The following TUBGCP3 variants were observed in gnomAD, a reference collection of about 807,000 sequenced individuals.
TUBGCP3 encodes gamma-tubulin complex component 3.
A neutral mutation model predicts 123.1 loss-of-function variants in TUBGCP3; 50 were observed. The observed-to-expected ratio is 0.41, with a 90% CI of 0.32 to 0.51. The LOEUF (loss-of-function observed/expected upper bound fraction) is 0.51. TUBGCP3 is among the 20% of genes least tolerant of loss of function. The probability of loss-of-function intolerance (pLI) is 0.36; values close to 1 mark genes in which losing one functional copy is unlikely to be tolerated. For missense variants in TUBGCP3, 882 were observed against 1,127.0 expected (o/e 0.78, Z 3.11); for synonymous variants, 405 against 413.9 (o/e 0.98, Z 0.26).
At chr13:112,594,506 A>G in the TUBGCP3 span, among the ~76,000 whole-genome samples, 3 of 152,206 alleles carry the variant, frequency 2.0e-5, no homozygotes, top group Non-Finnish European at 4.4e-5. Context: ...ACCTGCAGCT[A>G]TCTAAGTTTC....
At chr13:112,517,735 A>C (rs1024940093) in intron 16 of TUBGCP3, among the ~76,000 whole-genome samples, 2 of 152,134 alleles carry the variant, frequency 1.3e-5, no homozygotes, top group Non-Finnish European at 2.9e-5. Flanking sequence ...TACTAAAAAT[A>C]CAAAAATTAG....
At chr13:112,547,282 C>T (rs764172701) in intron 10 of TUBGCP3, 4 of 399,176 alleles carry the variant, frequency 1.0e-5, no homozygotes, top group East Asian at 3.6e-5. Flanking sequence ...TCTTTAAACA[C>T]GAGACACCCT....
rs1594177291 is a variant in TUBGCP3, at chr13:112,547,116, C to G, written c.1168+504G>C. ...GAACCTAGAGCCAGAGAGGCCAAAG[C>G]AAGACATGCAAATATGGGAACATCT... On this transcript the variant is annotated intron_variant, in intron 10 of 21. Transcript: ENST00000261965. 3.5e-5 allele frequency: 9 copies of G among 259,358 alleles called. No individual in the cohort carries two copies. In the East Asian group the frequency reaches 6.0e-4, roughly 17 times the overall value. The allele number at this position is 259,358 out of a possible 1,614,324, so 16.1% of individuals were successfully genotyped here.
Position 112,524,119 on chromosome 13 carries a change from G to A in TUBGCP3, c.1556-1610C>T, listed in dbSNP as rs765281934. 6.6e-6 allele frequency among the ~76,000 whole-genome samples: 1 copy of A among 152,130 alleles called. No individual in the cohort carries two copies. Among genetic ancestry groups the A allele is most frequent in the African/African-American group, 2.4e-5 (1 of 41,414 alleles). ...ACCCCCACAGACACCAAAATTCCCT[G>A]ATGCTCAAGTCTCTTCTACAAAATG... On this transcript the variant is annotated intron_variant, in intron 13 of 21. Coordinates refer to ENST00000261965, the MANE Select transcript of TUBGCP3 (RefSeq NM_006322.6). The surrounding 1 kb of genome is among the most constrained non-coding windows in gnomAD (Gnocchi z 4.4).
At chr13:112,522,635 C>A in intron 13 of TUBGCP3, 126 bp from the exon 14 acceptor site, 2 of 826,324 alleles carry the variant, frequency 2.4e-6, no homozygotes, top group East Asian at 2.6e-5. Context: ...ACAGACTGAC[C>A]GCAGGCACAG....
intron 18 of TUBGCP3, among the ~76,000 whole-genome samples, chr13:112,504,412 C>A (rs920770325): frequency 2.0e-5 from 3 of 151,036 alleles, no homozygotes; most frequent in Non-Finnish European, 4.4e-5. Flanking sequence ...CGCTTGAACC[C>A]AGGAGGCAGA....
In TUBGCP3 at chr13:112,485,888, G is replaced by A; in HGVS notation, c.*105C>T. 1.1e-6 allele frequency: 1 copy of A among 929,458 alleles called. No homozygotes were observed. The highest frequency in any genetic ancestry group is 1.7e-5 in the South Asian group (1 of 58,376). The allele number at this position is 929,458 out of a possible 1,614,324, so 57.6% of individuals were successfully genotyped here. Reference sequence around the variant, plus strand: ...AAACATGGCGCACTCGTGGGCGGAAGGGCAGGACACCTGCAGCATGCAGTT... The same window carrying A: ...AAACATGGCGCACTCGTGGGCGGAAAGGCAGGACACCTGCAGCATGCAGTT... On this transcript the variant is annotated 3_prime_UTR_variant, in exon 22 of 22. Transcript: ENST00000261965.
chr13:112,538,893 G>A (rs1436116648), intron 11 of TUBGCP3, among the ~76,000 whole-genome samples: 1 of 152,106 alleles, frequency 6.6e-6, no homozygotes, highest in African/African-American at 2.4e-5. Context: ...ATTACATAGT[G>A]ATCAAACACA....
chr13:112,550,426 T>C (rs1879462590), intron 8 of TUBGCP3, among the ~76,000 whole-genome samples: 1 of 152,130 alleles, frequency 6.6e-6, no homozygotes, highest in South Asian at 2.1e-4. Context: ...TAAAACATAC[T>C]AATTTTGTAG....
In TUBGCP3 at chr13:112,489,600, A is replaced by G. The variant is rs751900414; in HGVS notation, c.2546T>C (p.Ile849Thr). The part of the protein sequence containing the change: ...SIPKMCSQLR[I>T]LTHFYQGIVQ... ...ACACACCTGGTAGAAATGGGTCAAT[A>G]TTCGCAACTGTGAGCACATTTTTGG... is the stretch of plus-strand genomic sequence containing the variant. Residue 849 changes from isoleucine to threonine, a missense_variant, in exon 21 of 22, where the codon ATA becomes ACA. Physicochemically the swap from Ile to Thr is moderately conservative, Grantham distance 89. Transcript: ENST00000261965. 2 of 1,614,020 alleles carry G rather than the reference A, an allele frequency of 1.2e-6. No individual in the cohort carries two copies. Among genetic ancestry groups the G allele is most frequent in the East Asian group, 4.5e-5 (2 of 44,886 alleles).
Position 112,565,172 on chromosome 13 carries a change from C to A in TUBGCP3, c.191G>T (p.Arg64Leu). Residue 64 changes from arginine to leucine, a missense_variant, in exon 3 of 22, where the codon CGA becomes CTA. Physicochemically the swap from Arg to Leu is moderately radical, Grantham distance 102. Around this residue, in one of 3 missense-constraint regions of TUBGCP3, gnomAD observed 713 missense variants for 874.0 expected, o/e 0.82. Transcript: ENST00000261965. ...VAEKIKKELI[R>L]QRREADAALF... ...TGCAGCATCTGCTTCTCTTCGTTGT[C>A]GAATAACTGAAAAGACAGAAAAAAA... The A allele has an allele frequency of 6.2e-7, 1 of 1,612,316 alleles. No homozygotes were observed. Among genetic ancestry groups the A allele is most frequent in the South Asian group, 1.1e-5 (1 of 90,934 alleles).
the TUBGCP3 span, among the ~76,000 whole-genome samples, chr13:112,599,714 A>C: frequency 2.7e-5 from 4 of 150,826 alleles, 1 homozygote; most frequent in Admixed American, 6.6e-5. Flanking sequence ...AGAGACGGGG[A>C]TTCGCTGTGT....
At chr13:112,520,680 G>A (rs1876546541) in intron 14 of TUBGCP3, among the ~76,000 whole-genome samples, 1 of 152,156 alleles carries the variant, frequency 6.6e-6, no homozygotes, top group Admixed American at 6.5e-5. Context: ...ATGGGAAGAG[G>A]AGAGGCCTCC....
At chr13:112,542,425 T>TTTGGTA (rs1368307942) in intron 11 of TUBGCP3, among the ~76,000 whole-genome samples, 1 of 152,228 alleles carries the variant, frequency 6.6e-6, no homozygotes, top group Non-Finnish European at 1.5e-5. Flanking sequence ...GCCCATTACC[T>TTTGGTA]ACATGTCCTT....
intron 1 of TUBGCP3, among the ~76,000 whole-genome samples, chr13:112,586,236 G>A (rs1236956118): frequency 2.0e-5 from 3 of 149,004 alleles, no homozygotes; most frequent in Admixed American, 1.3e-4. Flanking sequence ...GTGAGACTCT[G>A]TCTCAAAAAA....
chr13:112,563,286 A>T (rs1162731714), intron 3 of TUBGCP3, among the ~76,000 whole-genome samples: 4 of 152,138 alleles, frequency 2.6e-5, no homozygotes, highest in Non-Finnish European at 5.9e-5. Context: ...ACAAGATAAA[A>T]AATTAGGATC....
rs1382399110 is a variant in TUBGCP3, at chr13:112,545,664, A to G, written c.1335+35T>C. The G allele has an allele frequency of 6.3e-7, 1 of 1,598,680 alleles. No homozygotes were observed. The highest frequency in any genetic ancestry group is 1.7e-5 in the Admixed American group (1 of 59,816). ...GCATAACTGCGTGCCCATGCTTTTT[A>G]AATCCAAGTCTCAGAACCGAACACC... On this transcript the variant is annotated intron_variant, in intron 11 of 21. Coordinates refer to ENST00000261965, the MANE Select transcript of TUBGCP3 (RefSeq NM_006322.6). This position sits in a 1 kb window ranked among gnomAD's most constrained non-coding sequence, Gnocchi z 4.1.
At position 112,522,204 on chromosome 13, in the gene TUBGCP3, A is replaced by AG. The variant is rs1356178314; in HGVS notation, c.1745+115dup. 4.0e-6 allele frequency: 4 copies of AG among 994,722 alleles called. No homozygotes were observed. The Admixed American group carries it at 9.8e-5, about 24-fold the overall frequency. 61.6% of individuals were successfully genotyped at this position (994,722 alleles called of 1,614,324 possible). On this transcript the variant is annotated intron_variant, in intron 14 of 21. Transcript: ENST00000261965. ...ATTCTTTTCAGATTTTATTTTAAAA[A>AG]GTATGCTCGAAGAATTCAACTCATT...
intron 1 of TUBGCP3, among the ~76,000 whole-genome samples, chr13:112,575,893 G>A (rs769396155): frequency 1.8e-4 from 28 of 152,296 alleles, no homozygotes; most frequent in South Asian, 4.1e-4. Flanking sequence ...TGGAAAAGGC[G>A]ACGCAGCACC....
Sources: gnomAD v4.1 joint callset for allele counts (sites outside exome capture counted in the v4.1 genomes callset) on GRCh38, gnomAD v4.1.1 for gene constraint, gnomAD v4.1.1 regional missense constraint, Gnocchi (gnomAD v3.1) non-coding constraint, MANE v1.5 for transcripts, NCBI Gene and HGNC (gene_info 2026-07-23, HGNC 2026-07-21) for gene names.